The following CEP128 variants were observed in gnomAD, a reference collection of about 807,000 sequenced individuals.
CEP128 encodes the protein centrosomal protein 128.
A neutral mutation model predicts 156.7 loss-of-function variants in CEP128; 132 were observed. That is an observed-to-expected ratio of 0.84 (90% CI 0.73 to 0.97). The LOEUF is 0.97. CEP128 is among the 50% of genes least tolerant of loss of function. The pLI is 0.00. For synonymous variants in CEP128, 469 were observed against 448.9 expected (o/e 1.04, Z -0.57); for missense variants, 1,252 against 1,281.9 (o/e 0.98, Z 0.36).
At chr14:80,747,480 G>A (rs574250220) in intron 18 of CEP128, among the ~76,000 whole-genome samples, 1 of 152,286 alleles carries the variant, frequency 6.6e-6, no homozygotes, top group African/African-American at 2.4e-5. Flanking sequence ...TCTGCTAAAT[G>A]AAAGAAGTCA....
intron 20 of CEP128, among the ~76,000 whole-genome samples, chr14:80,573,677 G>A (rs1233557062): frequency 1.3e-5 from 2 of 152,158 alleles, no homozygotes; most frequent in African/African-American, 2.4e-5. Flanking sequence ...GAGGTCTCTT[G>A]ATGTAGTAAA....
At chr14:80,736,286 C>T (rs1246987817) in intron 19 of CEP128, among the ~76,000 whole-genome samples, 1 of 151,218 alleles carries the variant, frequency 6.6e-6, no homozygotes, top group Admixed American at 6.6e-5. Flanking sequence ...CAAATATATG[C>T]TTTGAATTTA....
At chr14:80,856,532 T>C (rs1477418169) in intron 9 of CEP128, among the ~76,000 whole-genome samples, 3 of 151,806 alleles carry the variant, frequency 2.0e-5, no homozygotes, top group African/African-American at 7.3e-5. Context: ...TAGTTGCAGC[T>C]GCTTGGGAAG....
intron 23 of CEP128, among the ~76,000 whole-genome samples, chr14:80,512,277 C>T (rs1164251526): frequency 6.6e-6 from 1 of 151,868 alleles, no homozygotes; most frequent in African/African-American, 2.4e-5. Context: ...TATATTTTTA[C>T]AATTGTTATA....
intron 8 of CEP128, among the ~76,000 whole-genome samples, chr14:80,868,032 G>A (rs1887852339): frequency 6.6e-6 from 1 of 152,056 alleles, no homozygotes; most frequent in African/African-American, 2.4e-5. Flanking sequence ...CAGAAACCAG[G>A]AGAGAATGAG....
intron 3 of CEP128, among the ~76,000 whole-genome samples, chr14:80,916,021 A>C (rs116183028): frequency 0.031 from 4,710 of 152,294 alleles, 240 homozygotes; most frequent in African/African-American, 0.11. Flanking sequence ...AACATCCGTA[A>C]AAGAGGAAAA....
chr14:80,600,678 A>G (rs143117400), intron 19 of CEP128, among the ~76,000 whole-genome samples: 7 of 152,272 alleles, frequency 4.6e-5, no homozygotes, highest in Admixed American at 3.9e-4. Flanking sequence ...AACAGTATAA[A>G]TGTATTTTTT....
At chr14:80,953,825 A>G (rs775890007) in intron 2 of CEP128, among the ~76,000 whole-genome samples, 65 of 152,078 alleles carry the variant, frequency 4.3e-4, no homozygotes, top group Non-Finnish European at 8.2e-4. Flanking sequence ...TCCTGTCCCT[A>G]TGGTTTTGCC....
chr14:80,707,121 C>T (rs966370269), intron 19 of CEP128, among the ~76,000 whole-genome samples: 22 of 152,098 alleles, frequency 1.4e-4, no homozygotes, highest in South Asian at 2.1e-4. Flanking sequence ...TATTTATTCT[C>T]ATGATTCTTG....
At chr14:80,937,810 C>A (rs1159662204) in intron 2 of CEP128, among the ~76,000 whole-genome samples, 1 of 151,976 alleles carries the variant, frequency 6.6e-6, no homozygotes, top group East Asian at 1.9e-4. Flanking sequence ...CCTGGTAAAT[C>A]TAGATTATTT....
intron 15 of CEP128, among the ~76,000 whole-genome samples, chr14:80,784,480 G>A (rs1432539547): frequency 6.6e-6 from 1 of 152,106 alleles, no homozygotes; most frequent in Non-Finnish European, 1.5e-5. Flanking sequence ...AAAGCCTTGG[G>A]TTTACACAGC....
At chr14:80,895,882 C>T in intron 7 of CEP128, 92 bp from the exon 8 acceptor site, 2 of 898,898 alleles carry the variant, frequency 2.2e-6, no homozygotes, top group East Asian at 5.6e-5. Context: ...TATGTTATTA[C>T]AAAATATTCT....
chr14:80,926,971 C>T (rs1885184642), intron 2 of CEP128, among the ~76,000 whole-genome samples: 1 of 152,214 alleles, frequency 6.6e-6, no homozygotes, highest in African/African-American at 2.4e-5. Context: ...TCTCCTCTCA[C>T]CCCCATCAGA....
At chr14:80,532,634 C>T (rs991881669) in intron 21 of CEP128, among the ~76,000 whole-genome samples, 1 of 152,150 alleles carries the variant, frequency 6.6e-6, no homozygotes, top group Non-Finnish European at 1.5e-5. Flanking sequence ...GTGCTAATTA[C>T]TCCAATGCAA....
At chr14:80,892,997 AT>A (rs1889174956) in intron 8 of CEP128, among the ~76,000 whole-genome samples, 1 of 151,980 alleles carries the variant, frequency 6.6e-6, no homozygotes, top group East Asian at 1.9e-4. Context: ...AGGAAATAAA[AT>A]CATCACCTTG....
chr14:80,651,265 C>T (rs192109533), intron 19 of CEP128, among the ~76,000 whole-genome samples: 105 of 151,966 alleles, frequency 6.9e-4, no homozygotes, highest in East Asian at 4.6e-3. Context: ...TGGTGATATC[C>T]CCTTTATCAT....
intron 19 of CEP128, among the ~76,000 whole-genome samples, chr14:80,598,499 G>A (rs1290323618): frequency 6.6e-6 from 1 of 152,124 alleles, no homozygotes; most frequent in Admixed American, 6.5e-5. Flanking sequence ...AAGACGTACT[G>A]TATTCATGGA....
chr14:80,805,712 T>C (rs1334951589), intron 13 of CEP128, among the ~76,000 whole-genome samples: 1 of 152,206 alleles, frequency 6.6e-6, no homozygotes, highest in Non-Finnish European at 1.5e-5. Context: ...CATGAACTGA[T>C]ACTGAGAGCA....
At chr14:80,714,617 C>A (rs1266267739) in intron 19 of CEP128, among the ~76,000 whole-genome samples, 1 of 152,162 alleles carries the variant, frequency 6.6e-6, no homozygotes, top group East Asian at 1.9e-4. Flanking sequence ...AGCTCTCTAA[C>A]AGGCAAACCT....
Sources: gnomAD v4.1 joint callset for allele counts (sites outside exome capture counted in the v4.1 genomes callset) on GRCh38, gnomAD v4.1.1 for gene constraint, MANE v1.5 for transcripts, NCBI Gene and HGNC (gene_info 2026-07-23, HGNC 2026-07-21) for gene names.